CUX1: variants seen among roughly 807,000 people sequenced by gnomAD.
The protein encoded by CUX1 is protein CASP.
CUX1 carries 31 observed loss-of-function variants against 158.8 expected under a neutral mutation model. The observed-to-expected ratio is 0.20, with a 90% CI of 0.15 to 0.26. The LOEUF (loss-of-function observed/expected upper bound fraction) is 0.26, where lower values mean the gene tolerates loss of function less well. CUX1 is among the 10% of genes least tolerant of loss of function. CUX1 has a pLI of 1.00. For missense variants in CUX1, 1,589 were observed against 2,014.6 expected (o/e 0.79, Z 4.04); for synonymous variants, 879 against 862.1 (o/e 1.02, Z -0.34).
chr7:101,992,994 T>G (rs552330834), intron 2 of CUX1, among the ~76,000 whole-genome samples: 2 of 152,238 alleles, frequency 1.3e-5, no homozygotes, highest in South Asian at 4.1e-4. Context: ...GGTGGCCGAC[T>G]AGGTGGCCTG....
chr7:102,255,673 A>G lies in CUX1; in HGVS notation c.*6631A>G. 2 of 985,464 alleles carry G rather than the reference A, an allele frequency of 2.0e-6. No homozygotes were observed. The allele number at this position is 985,464 out of a possible 1,614,324, so 61.0% of individuals were successfully genotyped here. ...TGCCTTATATCCCAATGTCACGGCTACATCCCTATGGAAATTAATCAGAAG... is the reference window on the plus strand; with the variant it reads ...TGCCTTATATCCCAATGTCACGGCTGCATCCCTATGGAAATTAATCAGAAG... On this transcript the variant is annotated 3_prime_UTR_variant, in exon 24 of 24. Coordinates refer to ENST00000292535, the MANE Select transcript of CUX1 (RefSeq NM_181552.4).
chr7:102,192,184 G>A (rs1554517196), intron 12 of CUX1, among the ~76,000 whole-genome samples: 2 of 152,184 alleles, frequency 1.3e-5, no homozygotes, highest in East Asian at 1.9e-4. Context: ...AACAGGGGAT[G>A]CTGACCTCAG....
chr7:102,281,605 G>A (rs1792066418), intron 20 of CUX1, among the ~76,000 whole-genome samples: 1 of 152,094 alleles, frequency 6.6e-6, no homozygotes, highest in Non-Finnish European at 1.5e-5. Context: ...GGAGGTTGCA[G>A]TGAGCCAAGA....
Position 102,250,234 on chromosome 7 carries a change from C to G in CUX1, c.*1192C>G, listed in dbSNP as rs979519006. On this transcript the variant is annotated 3_prime_UTR_variant, in exon 24 of 24. Coordinates refer to ENST00000292535, the MANE Select transcript of CUX1 (RefSeq NM_181552.4). Reference sequence around the variant, plus strand: ...TTTATGGTGTCTCAATCTGTCTGTGCGTCTGCACGTGTGCAAGCATTGAAA... The same window carrying G: ...TTTATGGTGTCTCAATCTGTCTGTGGGTCTGCACGTGTGCAAGCATTGAAA... 4.1e-6 allele frequency: 4 copies of G among 985,276 alleles called. No individual in the cohort carries two copies. The African/African-American group carries it at 7.0e-5, about 17-fold the overall frequency. The allele number at this position is 985,276 out of a possible 1,614,324, so 61.0% of individuals were successfully genotyped here.
chr7:101,972,845 C>T (rs1812139241), intron 2 of CUX1, among the ~76,000 whole-genome samples: 1 of 152,188 alleles, frequency 6.6e-6, no homozygotes, highest in South Asian at 2.1e-4. Context: ...ACAGACACAG[C>T]CCTTCTTGGC....
At chr7:101,849,199 G>A (rs1459580835) in intron 1 of CUX1, among the ~76,000 whole-genome samples, 1 of 151,982 alleles carries the variant, frequency 6.6e-6, no homozygotes, top group Non-Finnish European at 1.5e-5. Context: ...TACAAGTGCA[G>A]GTTTGTGACA....
intron 23 of CUX1, among the ~76,000 whole-genome samples, chr7:102,244,436 G>A (rs1800582162): frequency 6.6e-6 from 1 of 152,180 alleles, no homozygotes; most frequent in Non-Finnish European, 1.5e-5. Context: ...GCCGGGCACG[G>A]CCTGTAATCC....
At chr7:101,943,356 C>T (rs989879043) in intron 2 of CUX1, among the ~76,000 whole-genome samples, 1 of 152,002 alleles carries the variant, frequency 6.6e-6, no homozygotes, top group African/African-American at 2.4e-5. Flanking sequence ...ATCCACCCGC[C>T]GTGGCCTCCC....
chr7:102,158,592 T>A lies in CUX1; in HGVS notation c.707T>A (p.Leu236His). 1 of 1,614,028 alleles carries A rather than the reference T, an allele frequency of 6.2e-7. No individual in the cohort carries two copies. The highest frequency in any genetic ancestry group is 8.5e-7 in the Non-Finnish European group (1 of 1,179,978). Residue 236 changes from leucine (L) to histidine (H), a missense_variant, in exon 9 of 24, where the codon CTT becomes CAT. Transcript: ENST00000292535. ...GAGATTGAAATGATCATGACGGACC[T>A]TGAAAGGGCAAACCAGGTAGGACCC... ...ADEIEMIMTD[L>H]ERANQRAEVA... is the part of the protein sequence containing the mutation.
chr7:102,250,276 C>T lies in CUX1; in HGVS notation c.*1234C>T, dbSNP rs942544600. 12 of 985,254 alleles carry T rather than the reference C, an allele frequency of 1.2e-5. No homozygotes were observed. The Admixed American group carries it at 7.4e-4, about 61-fold the overall frequency. The allele number at this position is 985,254 out of a possible 1,614,324, so 61.0% of individuals were successfully genotyped here. ...GCATTGAAAGAAAGGAGAGAGTAGT[C>T]CGGGCGAGCACAGCAGGCAGTTCCA... On this transcript the variant is annotated 3_prime_UTR_variant, in exon 24 of 24. Transcript: ENST00000292535.
chr7:102,136,642 G>C (rs1156863459), intron 8 of CUX1, among the ~76,000 whole-genome samples: 2 of 152,146 alleles, frequency 1.3e-5, no homozygotes, highest in African/African-American at 4.8e-5. Flanking sequence ...GCCCACCTTG[G>C]CCTCCCAAAG....
At chr7:102,143,488 G>A (rs782000889) in intron 8 of CUX1, among the ~76,000 whole-genome samples, 1 of 152,138 alleles carries the variant, frequency 6.6e-6, no homozygotes, top group Non-Finnish European at 1.5e-5. Flanking sequence ...GCCCAGGCTG[G>A]TCTCGAATTC....
intron 8 of CUX1, among the ~76,000 whole-genome samples, chr7:102,118,121 A>G (rs1831628867): frequency 1.3e-5 from 2 of 152,350 alleles, no homozygotes; most frequent in South Asian, 4.1e-4. Context: ...TCCAACCTAC[A>G]TGTATTTTAT....
chr7:102,225,771 C>T (rs1354544173), intron 20 of CUX1, among the ~76,000 whole-genome samples: 5 of 152,186 alleles, frequency 3.3e-5, no homozygotes, highest in African/African-American at 1.2e-4. Flanking sequence ...GGGAGGATTG[C>T]TTGAGCACAG....
chr7:101,921,699 T>C (rs1310378283), intron 2 of CUX1, among the ~76,000 whole-genome samples: 2 of 152,124 alleles, frequency 1.3e-5, no homozygotes, highest in Non-Finnish European at 2.9e-5. Context: ...TGACTTCAGG[T>C]GATCCACCCG....
rs758960022 is a variant in CUX1 at position 102,051,349 on chromosome 7, G to GA, written c.190-18977dup. Among the ~76,000 whole-genome samples the GA allele has an allele frequency of 3.1e-3, 440 of 140,544 alleles. 1 individual carries two copies. The highest frequency in any genetic ancestry group is 3.6e-3 in the Middle Eastern group (1 of 274). The allele number at this position is 140,544 out of a possible 152,430, so 92.2% of individuals were successfully genotyped here. On this transcript the variant is annotated intron_variant, in intron 3 of 23. Transcript: ENST00000292535. ...ATCTAATAGACTATCATTTGTGTTTGAAAAAAAAAAAAATAGGGCCGGGCG... is the reference window on the plus strand; with the variant it reads ...ATCTAATAGACTATCATTTGTGTTTGAAAAAAAAAAAAAATAGGGCCGGGCG...
At chr7:101,900,335 G>C (rs1802011579) in intron 1 of CUX1, among the ~76,000 whole-genome samples, 1 of 152,228 alleles carries the variant, frequency 6.6e-6, no homozygotes, top group African/African-American at 2.4e-5. Flanking sequence ...GTGCCAGGAG[G>C]CAGCGAAGGA....
At chr7:101,953,052 G>A (rs562777784) in intron 2 of CUX1, among the ~76,000 whole-genome samples, 14 of 152,312 alleles carry the variant, frequency 9.2e-5, no homozygotes, top group African/African-American at 2.2e-4. Flanking sequence ...GCTTCTGGCC[G>A]CCCTGCCCGC....
In CUX1 at chr7:102,248,753, C is replaced by A. The variant is rs1230879269; in HGVS notation, c.4229C>A (p.Ala1410Asp). ...CTGCCCAGCCCCGCCTCCGCGACCG[C>A]CACCGCCGCGCCCGCGGCCCCCGAG... ...GPLPSPASATATAAPAAPEDA... is the reference protein window; with the variant it reads ...GPLPSPASATDTAAPAAPEDA... The change falls in exon 24 of 24, where the codon GCC (alanine) becomes GAC (aspartate). Residue 1410 changes from alanine to aspartate, a missense_variant. Physicochemically the swap from Ala to Asp is moderately radical, Grantham distance 126 (BLOSUM62 -2). This residue lies in a region of CUX1 where 344 missense variants were observed against 323.7 expected (regional missense o/e 1.06). Coordinates refer to ENST00000292535, the MANE Select transcript of CUX1 (RefSeq NM_181552.4). This position sits in a 1 kb window ranked among gnomAD's most constrained non-coding sequence, Gnocchi z 5.8. 4.8e-5 allele frequency: 50 copies of A among 1,043,162 alleles called. No individual in the cohort carries two copies. Among genetic ancestry groups the A allele is most frequent in the Non-Finnish European group, 5.1e-5 (44 of 866,834 alleles). The allele number at this position is 1,043,162 out of a possible 1,614,324, so 64.6% of individuals were successfully genotyped here.
Sources: gnomAD v4.1 joint callset for allele counts (sites outside exome capture counted in the v4.1 genomes callset) on GRCh38, gnomAD v4.1.1 for gene constraint, gnomAD v4.1.1 regional missense constraint, Gnocchi (gnomAD v3.1) non-coding constraint, MANE v1.5 for transcripts, NCBI Gene and HGNC (gene_info 2026-07-23, HGNC 2026-07-21) for gene names.